TENM3: variants seen among roughly 807,000 people sequenced by gnomAD.
TENM3 encodes teneurin-3.
A neutral mutation model predicts 255.1 loss-of-function variants in TENM3; 63 were observed. The ratio of observed to expected loss-of-function variants is 0.25; its 90% confidence interval spans 0.20 to 0.30. The LOEUF (loss-of-function observed/expected upper bound fraction) is 0.30, where lower values mean the gene tolerates loss of function less well. Among genes scored for constraint, TENM3 ranks in the 10% least tolerant of loss-of-function variants. The pLI is 1.00. For missense variants in TENM3, 2,929 were observed against 3,461.1 expected (o/e 0.85, Z 3.86); for synonymous variants, 1,306 against 1,322.3 (o/e 0.99, Z 0.27).
In TENM3 at chr4:182,747,984, T is replaced by C. The variant is rs76402907; in HGVS notation, c.3630-3816T>C. Among the ~76,000 whole-genome samples the C allele has an allele frequency of 6.8e-3, 1,034 of 152,338 alleles. 9 individuals carry two copies. Among genetic ancestry groups the C allele is most frequent in the African/African-American group, 0.024 (984 of 41,586 alleles). ...GTGACACAGTTTCCAACTCAGAAGA[T>C]AGAAGTGCTAATAATATCTGTTCTC... is the stretch of plus-strand genomic sequence containing the variant. On this transcript the variant is annotated intron_variant, in intron 19 of 27. Coordinates refer to ENST00000511685, the MANE Select transcript of TENM3 (RefSeq NM_001080477.4).
chr4:181,527,313 G>C, the TENM3 span, among the ~76,000 whole-genome samples: 1 of 152,108 alleles, frequency 6.6e-6, no homozygotes, highest in Non-Finnish European at 1.5e-5. Flanking sequence ...GACATAATGA[G>C]CTAAAAAGTT....
the TENM3 span, among the ~76,000 whole-genome samples, chr4:181,629,505 C>A: frequency 1.3e-5 from 2 of 152,078 alleles, no homozygotes; most frequent in African/African-American, 4.8e-5. Flanking sequence ...TTTTGAGATA[C>A]GTCCATCAAT....
chr4:181,953,799 T>G, the TENM3 span, among the ~76,000 whole-genome samples: 1 of 152,186 alleles, frequency 6.6e-6, no homozygotes, highest in Non-Finnish European at 1.5e-5. Flanking sequence ...AGGTATAATT[T>G]ACATATAATA....
chr4:182,402,502 GC>G (rs1260216760), intron 3 of TENM3, among the ~76,000 whole-genome samples: 7 of 152,130 alleles, frequency 4.6e-5, no homozygotes, highest in African/African-American at 1.4e-4. Flanking sequence ...GACGTAGCCA[GC>G]CATAAAAATA....
At chr4:181,885,256 G>A in the TENM3 span, among the ~76,000 whole-genome samples, 1 of 152,126 alleles carries the variant, frequency 6.6e-6, no homozygotes, top group Admixed American at 6.5e-5. Flanking sequence ...AAACTTTAAA[G>A]AGATTCAAGT....
chr4:182,702,772 CTG>C (rs1757979960), intron 12 of TENM3, among the ~76,000 whole-genome samples: 1 of 151,174 alleles, frequency 6.6e-6, no homozygotes. Context: ...GCGTCTGGCT[CTG>C]TCGCCCAGGC....
the TENM3 span, among the ~76,000 whole-genome samples, chr4:181,623,561 T>G: frequency 6.6e-6 from 1 of 152,250 alleles, no homozygotes. Flanking sequence ...CAATGACTCA[T>G]GAAACTCGGC....
the TENM3 span, among the ~76,000 whole-genome samples, chr4:181,641,786 TATATATATACACACACACC>T: frequency 2.1e-4 from 22 of 103,380 alleles, no homozygotes; most frequent in African/African-American, 8.6e-4. Flanking sequence ...ACACACACCA[TATATATATACACACACACC>T]ATATATATAT....
intron 3 of TENM3, among the ~76,000 whole-genome samples, chr4:182,426,913 A>G (rs964637433): frequency 1.3e-5 from 2 of 152,140 alleles, no homozygotes; most frequent in Non-Finnish European, 2.9e-5. Flanking sequence ...ATTTCTAAAC[A>G]TGTTTCCAAA....
At chr4:181,817,144 A>G in the TENM3 span, among the ~76,000 whole-genome samples, 1 of 152,330 alleles carries the variant, frequency 6.6e-6, no homozygotes, top group East Asian at 1.9e-4. Context: ...TGAGCTCTGT[A>G]GATATTCAGT....
intron 3 of TENM3, among the ~76,000 whole-genome samples, chr4:182,379,305 C>G (rs112170446): frequency 2.0e-5 from 3 of 151,934 alleles, no homozygotes; most frequent in Admixed American, 6.6e-5. Flanking sequence ...TGCAGTGAGC[C>G]GAGATTCTGC....
intron 1 of TENM3, among the ~76,000 whole-genome samples, chr4:182,322,380 A>C (rs1189107808): frequency 6.6e-6 from 1 of 152,212 alleles, no homozygotes; most frequent in Non-Finnish European, 1.5e-5. Flanking sequence ...CAACATGGAG[A>C]GAGGAGGGTA....
the TENM3 span, among the ~76,000 whole-genome samples, chr4:181,537,125 A>G: frequency 6.6e-6 from 1 of 152,194 alleles, no homozygotes; most frequent in Admixed American, 6.5e-5. Context: ...CCTCCTTTAA[A>G]AAAAAAGAAA....
chr4:182,478,869 GT>G (rs1733926584), intron 3 of TENM3, among the ~76,000 whole-genome samples: 1 of 151,786 alleles, frequency 6.6e-6, no homozygotes, highest in Non-Finnish European at 1.5e-5. Context: ...GAAATGTATG[GT>G]TTTAAAGTAC....
exon 1 of TENM3, chr4:182,144,734 G>A (rs964645154): frequency 2.1e-4 from 30 of 146,178 alleles, no homozygotes; most frequent in African/African-American, 7.1e-4. Context: ...GCGAGCCGGC[G>A]GCGCGGGCGA....
At chr4:182,397,791 TGG>T (rs1768948090) in intron 3 of TENM3, among the ~76,000 whole-genome samples, 1 of 152,156 alleles carries the variant, frequency 6.6e-6, no homozygotes, top group Non-Finnish European at 1.5e-5. Flanking sequence ...TCGGTGGCTC[TGG>T]GCTATGACTT....
At chr4:182,715,956 C>T (rs1759129113) in intron 13 of TENM3, among the ~76,000 whole-genome samples, 1 of 152,210 alleles carries the variant, frequency 6.6e-6, no homozygotes, top group South Asian at 2.1e-4. Flanking sequence ...GCCTTTCCTT[C>T]CTGCTCCGGA....
intron 1 of TENM3, among the ~76,000 whole-genome samples, chr4:182,287,652 C>T (rs187101971): frequency 4.1e-4 from 53 of 130,846 alleles, no homozygotes; most frequent in African/African-American, 1.6e-3. Flanking sequence ...CTCGCTCTGA[C>T]ACCCAGGCTG....
At chr4:181,664,448 C>A in the TENM3 span, among the ~76,000 whole-genome samples, 15 of 147,758 alleles carry the variant, frequency 1.0e-4, no homozygotes, top group Non-Finnish European at 2.1e-4. Flanking sequence ...CCAGCCTGGG[C>A]GACAAGAGCG....
Sources: gnomAD v4.1 joint callset for allele counts (sites outside exome capture counted in the v4.1 genomes callset) on GRCh38, gnomAD v4.1.1 for gene constraint, MANE v1.5 for transcripts, NCBI Gene and HGNC (gene_info 2026-07-23, HGNC 2026-07-21) for gene names.